SHISA9: variants seen among roughly 807,000 people sequenced by gnomAD.
SHISA9 encodes shisa family member 9, also known as protein shisa-9.
In SHISA9, 13 loss-of-function variants were observed where a neutral mutation model predicts 38.0. The observed-to-expected ratio is 0.34, with a 90% CI of 0.22 to 0.54. SHISA9 has a LOEUF of 0.54. SHISA9 is among the 20% of genes least tolerant of loss of function. The pLI, the probability that SHISA9 is intolerant of heterozygous loss-of-function variation, is 0.91. For synonymous variants in SHISA9, 275 were observed against 242.0 expected, an observed-to-expected ratio of 1.14 and a Z score of -1.27; for missense variants, 538 against 575.8, an observed-to-expected ratio of 0.93 and a Z score of 0.67.
chr16:13,480,818 C>G, the SHISA9 span, among the ~76,000 whole-genome samples: 2 of 152,150 alleles, frequency 1.3e-5, no homozygotes, highest in African/African-American at 4.8e-5. Flanking sequence ...GTGAGTCCAT[C>G]CCCTGCAAAT....
the SHISA9 span, among the ~76,000 whole-genome samples, chr16:13,526,312 C>T: frequency 6.6e-6 from 1 of 152,212 alleles, no homozygotes; most frequent in African/African-American, 2.4e-5. Flanking sequence ...TCTCTGTCTG[C>T]CTGTGGTCAT....
At chr16:12,996,757 C>G (rs986971199) in intron 2 of SHISA9, among the ~76,000 whole-genome samples, 4 of 152,088 alleles carry the variant, frequency 2.6e-5, no homozygotes, top group Non-Finnish European at 5.9e-5. Flanking sequence ...AATTTCTTAT[C>G]TGTAGTTCAA....
At chr16:13,162,039 A>G (rs2050599322) in intron 2 of SHISA9, among the ~76,000 whole-genome samples, 1 of 152,208 alleles carries the variant, frequency 6.6e-6, no homozygotes, top group African/African-American at 2.4e-5. Flanking sequence ...TGGATTAATT[A>G]GAAGGGGATA....
rs2051417863 is a variant in SHISA9, at chr16:13,239,555, T to A, written c.*4146T>A. The A allele has an allele frequency of 1.3e-5, 2 of 152,114 alleles. No homozygotes were observed. The highest frequency in any genetic ancestry group is 2.4e-5 in the African/African-American group (1 of 41,428). The allele number at this position is 152,114 out of a possible 1,614,324, so 9.4% of individuals were successfully genotyped here. A position where few individuals can be genotyped will look rare whatever the true frequency, so the allele number is the denominator to read the frequency against. On this transcript the variant is annotated 3_prime_UTR_variant, in exon 5 of 5. Transcript: ENST00000558583. Reference sequence around the variant, plus strand: ...TAACTGGCGTGAGATGGTATCTCATTGTGGTTTTGATTTGCATTTCTCTGA... The same window carrying A: ...TAACTGGCGTGAGATGGTATCTCATAGTGGTTTTGATTTGCATTTCTCTGA...
At chr16:12,960,212 A>G (rs2071890818) in intron 2 of SHISA9, among the ~76,000 whole-genome samples, 1 of 152,198 alleles carries the variant, frequency 6.6e-6, no homozygotes, top group South Asian at 2.1e-4. Flanking sequence ...CCTACTTGTC[A>G]TTCTTTTTCC....
the SHISA9 span, among the ~76,000 whole-genome samples, chr16:13,289,114 G>A: frequency 6.6e-6 from 1 of 152,156 alleles, no homozygotes. Context: ...AGACTGAAAT[G>A]TGTGCATTGG....
chr16:13,047,962 A>G (rs1457431133), intron 2 of SHISA9, among the ~76,000 whole-genome samples: 1 of 152,210 alleles, frequency 6.6e-6, no homozygotes, highest in African/African-American at 2.4e-5. Flanking sequence ...ATGTGGAAGT[A>G]TGATTCAGGC....
chr16:13,229,282 T>C (rs138565858), intron 4 of SHISA9, among the ~76,000 whole-genome samples: 117 of 152,302 alleles, frequency 7.7e-4, no homozygotes, highest in African/African-American at 2.6e-3. Context: ...TGATAATGAA[T>C]GAACTGCACA....
chr16:13,336,505 T>C, the SHISA9 span, among the ~76,000 whole-genome samples: 2 of 152,234 alleles, frequency 1.3e-5, no homozygotes, highest in Non-Finnish European at 2.9e-5. Flanking sequence ...GGAATTTCCC[T>C]TGTAGAAAGC....
chr16:13,162,566 A>T lies in SHISA9; in HGVS notation c.692-40828A>T, dbSNP rs557535872. ...TTAAAACAGATTCGAAACTCATCCAAACTCTCCTCTCTGGTAGAACTGGGC... is the reference window on the plus strand; with the variant it reads ...TTAAAACAGATTCGAAACTCATCCATACTCTCCTCTCTGGTAGAACTGGGC... On this transcript the variant is annotated intron_variant, in intron 2 of 4. Transcript: ENST00000558583. Among the ~76,000 whole-genome samples, 4 of 152,290 alleles carry T rather than the reference A, an allele frequency of 2.6e-5. No individual in the cohort carries two copies. In the South Asian group the frequency reaches 6.2e-4, roughly 24 times the overall value.
chr16:13,408,125 T>C, the SHISA9 span, among the ~76,000 whole-genome samples: 5 of 152,332 alleles, frequency 3.3e-5, no homozygotes, highest in South Asian at 6.2e-4. Context: ...GTTTCTTAGA[T>C]GTCTACCTAA....
At chr16:13,380,846 C>G in the SHISA9 span, among the ~76,000 whole-genome samples, 1 of 148,968 alleles carries the variant, frequency 6.7e-6, no homozygotes, top group Non-Finnish European at 1.5e-5. Flanking sequence ...AGCAGGCCTC[C>G]ATGTGTGATG....
At chr16:13,434,901 C>T in the SHISA9 span, among the ~76,000 whole-genome samples, 1 of 152,118 alleles carries the variant, frequency 6.6e-6, no homozygotes, top group Non-Finnish European at 1.5e-5. Flanking sequence ...GTAGTTGGAG[C>T]CTGTTTTGTT....
chr16:13,484,873 C>G, the SHISA9 span, among the ~76,000 whole-genome samples: 1 of 152,244 alleles, frequency 6.6e-6, no homozygotes, highest in South Asian at 2.1e-4. Flanking sequence ...CTCCCATGAT[C>G]CAATCACCTC....
intron 2 of SHISA9, among the ~76,000 whole-genome samples, chr16:12,945,017 T>C (rs1332593501): frequency 2.0e-5 from 3 of 152,128 alleles, no homozygotes; most frequent in Non-Finnish European, 4.4e-5. Context: ...GTCATTGCAA[T>C]TGAAGAGCAA....
the SHISA9 span, among the ~76,000 whole-genome samples, chr16:13,310,299 C>T: frequency 1.3e-5 from 2 of 151,522 alleles, no homozygotes; most frequent in South Asian, 4.1e-4. Context: ...TTTTAAAAAG[C>T]TGCTTTTTTT....
intron 2 of SHISA9, among the ~76,000 whole-genome samples, chr16:13,025,621 C>T (rs759399100): frequency 9.8e-5 from 15 of 152,328 alleles, no homozygotes; most frequent in Non-Finnish European, 2.1e-4. Context: ...AACACACAGC[C>T]CCATTCCTAA....
chr16:12,971,552 C>T (rs1193573359), intron 2 of SHISA9, among the ~76,000 whole-genome samples: 2 of 152,206 alleles, frequency 1.3e-5, no homozygotes, highest in African/African-American at 4.8e-5. Context: ...GGAGGCAAGC[C>T]TCCTCCCTGT....
intron 2 of SHISA9, among the ~76,000 whole-genome samples, chr16:12,998,375 T>A (rs1391677722): frequency 6.6e-6 from 1 of 152,234 alleles, no homozygotes; most frequent in Non-Finnish European, 1.5e-5. Context: ...GGTAAACAGC[T>A]TTTCCCGATG....
Sources: allele counts gnomAD v4.1 joint callset (sites outside exome capture counted in the v4.1 genomes callset), GRCh38; gene constraint gnomAD v4.1.1; transcripts MANE v1.5; gene names NCBI Gene and HGNC (gene_info 2026-07-23, HGNC 2026-07-21).